Variants in ARID1B observed in about 807,000 individuals in gnomAD.
The protein encoded by ARID1B is AT-rich interactive domain-containing protein 1B.
A neutral mutation model predicts 212.3 loss-of-function variants in ARID1B; 30 were observed. That is an observed-to-expected ratio of 0.14 (90% CI 0.11 to 0.19). ARID1B has a LOEUF of 0.19. Ranked by LOEUF, ARID1B falls within the 10% of genes least tolerant of loss-of-function variation. The pLI, the probability that ARID1B is intolerant of heterozygous loss-of-function variation, is 1.00. For synonymous variants in ARID1B, 1,402 were observed against 1,301.7 expected (o/e 1.08, Z -1.66); for missense variants, 2,891 against 3,204.0 (o/e 0.90, Z 2.36).
chr6:157,185,076 A>T (rs559778136), intron 13 of ARID1B: 1 of 152,760 alleles, frequency 6.5e-6, no homozygotes, highest in Admixed American at 6.5e-5. Flanking sequence ...ACACGCTCGC[A>T]GGCCGAGCCA....
chr6:156,983,132 G>A (rs918249932), intron 4 of ARID1B, among the ~76,000 whole-genome samples: 2 of 151,900 alleles, frequency 1.3e-5, no homozygotes, highest in African/African-American at 2.4e-5. Context: ...GCCTGGCACA[G>A]TGGCTCACGC....
At chr6:156,893,253 T>G (rs1271719152) in intron 2 of ARID1B, among the ~76,000 whole-genome samples, 2 of 152,144 alleles carry the variant, frequency 1.3e-5, no homozygotes, top group East Asian at 3.9e-4. Flanking sequence ...CTCGAACTCC[T>G]GACCTCAAAT....
chr6:157,139,999 C>T (rs1562651306), intron 7 of ARID1B, among the ~76,000 whole-genome samples: 1 of 151,978 alleles, frequency 6.6e-6, no homozygotes, highest in Non-Finnish European at 1.5e-5. Flanking sequence ...GCTGGGATTA[C>T]AGGTATGAGC....
chr6:157,036,132 C>G (rs1781313693), intron 4 of ARID1B, among the ~76,000 whole-genome samples: 1 of 152,094 alleles, frequency 6.6e-6, no homozygotes, highest in South Asian at 2.1e-4. Flanking sequence ...TGGTACTTTG[C>G]AATAGTCAAA....
At chr6:157,096,084 T>C (rs1315963211) in intron 5 of ARID1B, among the ~76,000 whole-genome samples, 2 of 152,162 alleles carry the variant, frequency 1.3e-5, no homozygotes, top group Non-Finnish European at 2.9e-5. Flanking sequence ...ATCCCACTCT[T>C]CATGCAGCCC....
At chr6:157,099,140 G>A (rs572111719) in intron 5 of ARID1B, among the ~76,000 whole-genome samples, 22 of 152,124 alleles carry the variant, frequency 1.4e-4, no homozygotes, top group African/African-American at 5.3e-4. Context: ...TAGAGACAGG[G>A]TTTTATCATG....
At chr6:157,048,472 C>T (rs1355509345) in intron 4 of ARID1B, among the ~76,000 whole-genome samples, 2 of 152,152 alleles carry the variant, frequency 1.3e-5, no homozygotes, top group Non-Finnish European at 2.9e-5. Flanking sequence ...TAAAACATTT[C>T]ACATTATAAC....
chr6:157,157,375 G>A (rs1234600002), intron 8 of ARID1B, among the ~76,000 whole-genome samples: 2 of 152,196 alleles, frequency 1.3e-5, no homozygotes, highest in Non-Finnish European at 2.9e-5. Flanking sequence ...TCTGAGTTAC[G>A]AAAGGCAGGG....
chr6:157,123,335 A>ATAGCTGTTGGT (rs1298380527), intron 6 of ARID1B, among the ~76,000 whole-genome samples: 1 of 147,192 alleles, frequency 6.8e-6, no homozygotes, highest in Non-Finnish European at 1.5e-5. Context: ...AATCAGTACT[A>ATAGCTGTTGGT]TAGCTGTTGG....
intron 4 of ARID1B, among the ~76,000 whole-genome samples, chr6:156,985,802 A>T (rs1464183269): frequency 6.6e-6 from 1 of 152,176 alleles, no homozygotes; most frequent in Non-Finnish European, 1.5e-5. Context: ...GGGAACACAT[A>T]TCTAAATATC....
At chr6:156,783,493 T>C (rs1475586167) in intron 1 of ARID1B, among the ~76,000 whole-genome samples, 1 of 152,170 alleles carries the variant, frequency 6.6e-6, no homozygotes, top group African/African-American at 2.4e-5. Flanking sequence ...TCAGTTCTAT[T>C]TTTTATTAAT....
intron 2 of ARID1B, among the ~76,000 whole-genome samples, chr6:156,829,937 C>A (rs946915703): frequency 1.3e-5 from 2 of 151,414 alleles, no homozygotes; most frequent in Non-Finnish European, 2.9e-5. Context: ...TTCTGTATTT[C>A]ATATAAGAGG....
chr6:157,100,021 C>T (rs963857887), intron 5 of ARID1B, among the ~76,000 whole-genome samples: 3 of 152,088 alleles, frequency 2.0e-5, no homozygotes, highest in Admixed American at 2.0e-4. Context: ...GAAAGTCTAG[C>T]CCCGTTTTGA....
chr6:157,061,656 A>G (rs1048153974), intron 4 of ARID1B, among the ~76,000 whole-genome samples: 2 of 152,182 alleles, frequency 1.3e-5, no homozygotes, highest in Non-Finnish European at 2.9e-5. Context: ...CAAATATTAC[A>G]TGGCACATAC....
At chr6:156,867,020 G>A (rs1562445890) in intron 2 of ARID1B, among the ~76,000 whole-genome samples, 1 of 152,156 alleles carries the variant, frequency 6.6e-6, no homozygotes, top group Non-Finnish European at 1.5e-5. Flanking sequence ...ACATGGCCTG[G>A]CACAGTGCTG....
chr6:156,848,207 G>C (rs1043535812), intron 2 of ARID1B, among the ~76,000 whole-genome samples: 1 of 152,208 alleles, frequency 6.6e-6, no homozygotes, highest in African/African-American at 2.4e-5. Context: ...TAGCTCCTCA[G>C]CCTTCAGTTG....
chr6:156,924,493 C>G (rs1041421930), intron 3 of ARID1B, among the ~76,000 whole-genome samples: 1 of 152,218 alleles, frequency 6.6e-6, no homozygotes, highest in Non-Finnish European at 1.5e-5. Context: ...GATACTGGAT[C>G]TGGTAACAGC....
chr6:157,019,390 C>T (rs916378385), intron 4 of ARID1B, among the ~76,000 whole-genome samples: 1 of 152,194 alleles, frequency 6.6e-6, no homozygotes, highest in Admixed American at 6.5e-5. Flanking sequence ...TCATAACAAC[C>T]ATCAGAGCAG....
At position 156,893,045 on chromosome 6, in the gene ARID1B, C is replaced by CTTTTTTTTTTTTTTTTTTTTTT. The variant is rs567719662; in HGVS notation, c.1987-8316_1987-8315insTTTTTTTTTTTTTTTTTTTTTT. On this transcript the variant is annotated intron_variant, in intron 2 of 19. Coordinates refer to ENST00000636930, the MANE Select transcript of ARID1B (RefSeq NM_001374828.1). ...AACTCTTTTTTTTTCTTTTTTCTTC[C>CTTTTTTTTTTTTTTTTTTTTTT]TTTTTTTTTTTTTTTGAGATGGAGT... Among the ~76,000 whole-genome samples, 186 of 85,892 alleles carry CTTTTTTTTTTTTTTTTTTTTTT rather than the reference C, an allele frequency of 2.2e-3. 21 individuals are homozygous for CTTTTTTTTTTTTTTTTTTTTTT. The highest frequency in any genetic ancestry group is 7.9e-3 in the African/African-American group (168 of 21,296). 56.3% of individuals were successfully genotyped at this position (85,892 alleles called of 152,430 possible).
Sources: allele counts gnomAD v4.1 joint callset (sites outside exome capture counted in the v4.1 genomes callset), GRCh38; gene constraint gnomAD v4.1.1; transcripts MANE v1.5; gene names NCBI Gene and HGNC (gene_info 2026-07-23, HGNC 2026-07-21).